The following ATP5PD variants were observed in gnomAD, a reference collection of about 807,000 sequenced individuals.
ATP5PD encodes ATP synthase peripheral stalk subunit d, mitochondrial.
A neutral mutation model predicts 22.6 loss-of-function variants in ATP5PD; 13 were observed. That is an observed-to-expected ratio of 0.58 (90% CI 0.37 to 0.91). The LOEUF is 0.91. ATP5PD is among the 40% of genes least tolerant of loss of function. ATP5PD has a pLI of 0.00. For synonymous variants in ATP5PD, 51 were observed against 65.0 expected (o/e 0.79, Z 1.03); for missense variants, 165 against 188.0 (o/e 0.88, Z 0.72).
chr17:75,046,446 T>C (rs1450915241), intron 1 of ATP5PD, among the ~76,000 whole-genome samples: 1 of 152,166 alleles, frequency 6.6e-6, no homozygotes, highest in Non-Finnish European at 1.5e-5. Context: ...ATCATGCGCA[T>C]AGGAGGTGCT....
chr17:75,042,959 C>G (rs1293715770), intron 1 of ATP5PD, among the ~76,000 whole-genome samples: 1 of 152,018 alleles, frequency 6.6e-6, no homozygotes, highest in African/African-American at 2.4e-5. Flanking sequence ...AGTGGGCTCA[C>G]GCCTGTAATC....
intron 1 of ATP5PD, 92 bp from the exon 2 acceptor site, chr17:75,042,751 G>T: frequency 7.8e-7 from 1 of 1,280,020 alleles, no homozygotes; most frequent in Non-Finnish European, 1.1e-6. Context: ...AGCTCTTAGA[G>T]AGAATCCTTT....
intron 1 of ATP5PD, among the ~76,000 whole-genome samples, chr17:75,046,090 T>C (rs1180841690): frequency 1.3e-5 from 2 of 152,176 alleles, no homozygotes; most frequent in Non-Finnish European, 2.9e-5. Context: ...ACTTTGTGTG[T>C]GTGTGTGAGT....
chr17:75,045,934 GAAATTACAA>G (rs1451593922), intron 1 of ATP5PD, among the ~76,000 whole-genome samples: 1 of 152,204 alleles, frequency 6.6e-6, no homozygotes, highest in Non-Finnish European at 1.5e-5. Context: ...ACAGGCATAA[GAAATTACAA>G]AAGTATTAAT....
At chr17:75,041,231 T>G (rs1341472827) in intron 3 of ATP5PD, 2 of 151,268 alleles carry the variant, frequency 1.3e-5, no homozygotes, top group Non-Finnish European at 2.9e-5. Context: ...ATGGTGGTGC[T>G]GTGGTCCCAG....
intron 1 of ATP5PD, 47 bp from the exon 2 acceptor site, chr17:75,042,706 T>C: frequency 6.4e-7 from 1 of 1,555,000 alleles, no homozygotes; most frequent in Non-Finnish European, 8.7e-7. Context: ...TGAGGTGAAT[T>C]TTCAGTTGGG....
At chr17:75,042,932 G>C (rs376976639) in intron 1 of ATP5PD, among the ~76,000 whole-genome samples, 48 of 152,232 alleles carry the variant, frequency 3.2e-4, no homozygotes, top group African/African-American at 1.1e-3. Context: ...GGTAATTCAA[G>C]GTGTGCGGCC....
At chr17:75,039,349 C>T (rs1598684816) in intron 4 of ATP5PD, 78 bp from the exon 5 acceptor site, 1 of 1,275,766 alleles carries the variant, frequency 7.8e-7, no homozygotes, top group Non-Finnish European at 1.1e-6. Flanking sequence ...GGAGTCGTCC[C>T]AGCCCACTCC....
intron 1 of ATP5PD, among the ~76,000 whole-genome samples, chr17:75,044,588 C>T (rs2073194370): frequency 6.6e-6 from 1 of 151,386 alleles, no homozygotes; most frequent in South Asian, 2.1e-4. Context: ...GTGATCCACC[C>T]ACCTCAGCCT....
intron 2 of ATP5PD, 21 bp downstream of exon 2, chr17:75,042,508 C>A (rs557017001): frequency 5.0e-6 from 8 of 1,599,860 alleles, no homozygotes; most frequent in East Asian, 2.2e-5. Flanking sequence ...GTATGGGGTT[C>A]CCTCTCAGAA....
intron 1 of ATP5PD, among the ~76,000 whole-genome samples, chr17:75,046,671 A>G (rs1266749359): frequency 6.6e-6 from 1 of 152,236 alleles, no homozygotes; most frequent in Non-Finnish European, 1.5e-5. Flanking sequence ...TGCACGAGAC[A>G]CGGCTTGTGG....
chr17:75,039,926 G>A (rs1014615843), intron 4 of ATP5PD, 166 bp downstream of exon 4: 35 of 722,178 alleles, frequency 4.8e-5, no homozygotes, highest in Middle Eastern at 3.0e-4. Context: ...CTTTCACTCC[G>A]CATAATTATT....
intron 1 of ATP5PD, among the ~76,000 whole-genome samples, chr17:75,045,505 G>C (rs1300723828): frequency 2.6e-5 from 4 of 152,170 alleles, no homozygotes; most frequent in Non-Finnish European, 4.4e-5. Context: ...TACGCCCCAG[G>C]GGGGCCAGTT....
intron 1 of ATP5PD, among the ~76,000 whole-genome samples, chr17:75,043,620 A>C (rs2073182770): frequency 6.6e-6 from 1 of 151,870 alleles, no homozygotes; most frequent in South Asian, 2.1e-4. Flanking sequence ...TCAAAAAAAA[A>C]AAAAAAAACA....
At chr17:75,039,322 C>T in intron 4 of ATP5PD, 51 bp from the exon 5 acceptor site, 1 of 1,533,466 alleles carries the variant, frequency 6.5e-7, no homozygotes. Flanking sequence ...CATTCTACCC[C>T]AGCAGCTGCT....
At chr17:75,039,361 G>GCTGTC (rs1243114892) in intron 4 of ATP5PD, 90 bp from the exon 5 acceptor site, 1 of 1,151,168 alleles carries the variant, frequency 8.7e-7, no homozygotes, top group East Asian at 2.4e-5. Flanking sequence ...GCCCACTCCT[G>GCTGTC]CTGTCCTATT....
intron 3 of ATP5PD, chr17:75,041,880 C>G (rs1014837922): frequency 4.0e-6 from 1 of 252,170 alleles, no homozygotes; most frequent in Non-Finnish European, 7.5e-6. Context: ...CGGGGGACCA[C>G]CAGGTTGCCT....
At chr17:75,045,644 C>T (rs567855819) in intron 1 of ATP5PD, among the ~76,000 whole-genome samples, 25 of 150,500 alleles carry the variant, frequency 1.7e-4, no homozygotes, top group African/African-American at 6.1e-4. Context: ...CCCGGCTCAC[C>T]GGCGGTCAGA....
At chr17:75,040,213 A>G in intron 3 of ATP5PD, 50 bp from the exon 4 acceptor site, 1 of 1,608,960 alleles carries the variant, frequency 6.2e-7, no homozygotes, top group African/African-American at 1.3e-5. Flanking sequence ...CTACAAACAC[A>G]AGGACAGTGA....
Sources: allele counts gnomAD v4.1 joint callset (sites outside exome capture counted in the v4.1 genomes callset), GRCh38; gene constraint gnomAD v4.1.1; transcripts MANE v1.5; gene names NCBI Gene and HGNC (gene_info 2026-07-23, HGNC 2026-07-21).